Variants in MPP4 observed in about 807,000 individuals in gnomAD.
MPP4 encodes MAGUK p55 scaffold protein 4.
In MPP4, 91 loss-of-function variants were observed where a neutral mutation model predicts 98.3. The observed-to-expected ratio is 0.93, with a 90% CI of 0.78 to 1.10. MPP4 has a LOEUF of 1.10. Among genes scored for constraint, MPP4 ranks in the 50% least tolerant of loss-of-function variants. The pLI, the probability that MPP4 is intolerant of heterozygous loss-of-function variation, is 0.00. For missense variants in MPP4, 744 were observed against 792.9 expected, an observed-to-expected ratio of 0.94 and a Z score of 0.74; for synonymous variants, 261 against 271.8, an observed-to-expected ratio of 0.96 and a Z score of 0.39.
chr2:201,650,895 A>G, intron 18 of MPP4: 1 of 985,392 alleles, frequency 1.0e-6, no homozygotes, highest in Non-Finnish European at 1.2e-6. Flanking sequence ...CTTCAACTTA[A>G]ATAGTGCCAG....
intron 18 of MPP4, 93 bp downstream of exon 18, chr2:201,654,744 T>C: frequency 1.2e-6 from 1 of 843,352 alleles, no homozygotes; most frequent in South Asian, 2.1e-5. Flanking sequence ...GTTGTATACT[T>C]TTACAACAAA....
In MPP4 at chr2:201,686,256, C is replaced by T. The variant is rs527478645; in HGVS notation, c.361-206G>A. Among the ~76,000 whole-genome samples, 2 of 152,270 alleles carry T rather than the reference C, an allele frequency of 1.3e-5. 1 individual carries two copies. Among genetic ancestry groups the T allele is most frequent in the South Asian group, 4.1e-4 (2 of 4,830 alleles). ...AGGTACATTAATTGTCCTCAATTTG[C>T]AGATAAGGAAATAAGGCACAGAGAG... On this transcript the variant is annotated intron_variant, in intron 5 of 21. Transcript: ENST00000409474.
intron 12 of MPP4, among the ~76,000 whole-genome samples, chr2:201,669,219 T>C (rs1252374662): frequency 6.6e-6 from 1 of 151,994 alleles, no homozygotes; most frequent in African/African-American, 2.4e-5. Flanking sequence ...ATTTGTTCCC[T>C]AATGCAGGGC....
At chr2:201,688,765 G>A (rs934904660) in intron 4 of MPP4, among the ~76,000 whole-genome samples, 2 of 151,828 alleles carry the variant, frequency 1.3e-5, no homozygotes, top group African/African-American at 2.4e-5. Flanking sequence ...GCACCACAAC[G>A]CCCAGCTAAT....
chr2:201,685,827 A>T, intron 6 of MPP4, 92 bp downstream of exon 6: 2 of 1,479,324 alleles, frequency 1.4e-6, no homozygotes, highest in Non-Finnish European at 1.9e-6. Flanking sequence ...GATCGCAGGC[A>T]AGGCTACTGC....
At chr2:201,654,017 C>A (rs1687787627) in intron 18 of MPP4, among the ~76,000 whole-genome samples, 1 of 151,870 alleles carries the variant, frequency 6.6e-6, no homozygotes, top group Admixed American at 6.6e-5. Context: ...CACTTTCTCG[C>A]CCAGACTGGA....
chr2:201,645,488 A>C (rs1687536969), intron 21 of MPP4, 84 bp from the exon 22 acceptor site: 3 of 1,161,678 alleles, frequency 2.6e-6, no homozygotes, highest in South Asian at 2.1e-5. Flanking sequence ...TGTCACATTC[A>C]GTTGTGAAAC....
intron 10 of MPP4, among the ~76,000 whole-genome samples, chr2:201,678,135 A>AT (rs1688565252): frequency 6.6e-6 from 1 of 152,162 alleles, no homozygotes; most frequent in South Asian, 2.1e-4. Context: ...TAAAAGCAGC[A>AT]TGAGAACTTC....
At chr2:201,669,171 G>T (rs1026708975) in intron 12 of MPP4, among the ~76,000 whole-genome samples, 1 of 151,248 alleles carries the variant, frequency 6.6e-6, no homozygotes, top group African/African-American at 2.4e-5. Flanking sequence ...CAGATGGTTG[G>T]GCATGGAGAA....
At position 201,666,473 on chromosome 2, in the gene MPP4, C is replaced by T; in HGVS notation, c.1013-101G>A. ...TGGTGGCTCATGCCTGTGATCCCAG[C>T]ACTCTGGGAGGCCGAGGCGGGCGGA... On this transcript the variant is annotated intron_variant, in intron 12 of 21. Coordinates refer to ENST00000409474, the MANE Select transcript of MPP4 (RefSeq NM_033066.3). 4.4e-6 allele frequency: 4 copies of T among 904,620 alleles called. No homozygotes were observed. The East Asian group carries it at 9.0e-5, about 20-fold the overall frequency. 56.0% of individuals were successfully genotyped at this position (904,620 alleles called of 1,614,324 possible). A position where few individuals can be genotyped will look rare whatever the true frequency, so the allele number is the denominator to read the frequency against.
chr2:201,674,666 A>G (rs1688450128), intron 11 of MPP4, among the ~76,000 whole-genome samples: 1 of 152,210 alleles, frequency 6.6e-6, no homozygotes, highest in Non-Finnish European at 1.5e-5. Context: ...TTAAATGATA[A>G]CAGTCCTTCC....
At chr2:201,689,575 A>G (rs1031037506) in intron 4 of MPP4, among the ~76,000 whole-genome samples, 1 of 152,058 alleles carries the variant, frequency 6.6e-6, no homozygotes, top group Non-Finnish European at 1.5e-5. Context: ...GATCCTGGAT[A>G]TATTTTGGTG....
chr2:201,662,769 G>T lies in MPP4; in HGVS notation c.1072+1312C>A, dbSNP rs544604375. Among the ~76,000 whole-genome samples the T allele has an allele frequency of 2.0e-5, 3 of 152,058 alleles. No individual in the cohort carries two copies. In the South Asian group the frequency reaches 6.2e-4, roughly 31 times the overall value. ...ATGTGATAAGAGAAAGAAGAAAATT[G>T]CCTTAATTGGGGTAAAGATAATATG... is the stretch of plus-strand genomic sequence containing the variant. On this transcript the variant is annotated intron_variant, in intron 14 of 21. Transcript: ENST00000409474.
At chr2:201,650,737 G>A (rs1687691809) in intron 18 of MPP4, 1 of 985,222 alleles carries the variant, frequency 1.0e-6, no homozygotes, top group Non-Finnish European at 1.2e-6. Context: ...AATTTGAAAT[G>A]GAGAAAGCCC....
At chr2:201,661,432 G>A (rs935762077) in intron 14 of MPP4, 1 of 456,374 alleles carries the variant, frequency 2.2e-6, no homozygotes, top group Non-Finnish European at 4.4e-6. Context: ...ATGCCAGCTG[G>A]GTGCTAACTG....
chr2:201,662,500 CAA>C (rs57262157), intron 14 of MPP4, among the ~76,000 whole-genome samples: 157 of 75,280 alleles, frequency 2.1e-3, no homozygotes, highest in African/African-American at 8.2e-3. Context: ...GACTCTGTCT[CAA>C]AAAAAAAAAA....
chr2:201,657,766 T>C (rs1415967053), intron 16 of MPP4, among the ~76,000 whole-genome samples: 1 of 151,940 alleles, frequency 6.6e-6, no homozygotes, highest in Non-Finnish European at 1.5e-5. Context: ...TGATGGCAGC[T>C]GCCCTCTTGA....
chr2:201,686,270 A>G (rs1688830057), intron 5 of MPP4, among the ~76,000 whole-genome samples: 1 of 152,218 alleles, frequency 6.6e-6, no homozygotes, highest in Non-Finnish European at 1.5e-5. Flanking sequence ...TAAGGAAATA[A>G]GGCACAGAGA....
chr2:201,654,856 A>C lies in MPP4; in HGVS notation c.1362T>G (p.His454Gln). 1 of 1,604,234 alleles carries C rather than the reference A, an allele frequency of 6.2e-7. No homozygotes were observed. The highest frequency in any genetic ancestry group is 1.1e-5 in the South Asian group (1 of 88,504). Residue 454 changes from histidine to glutamine, a missense_variant, in exon 18 of 22, where the codon CAT becomes CAG. By Grantham distance (24) the His-to-Gln change is conservative. Transcript: ENST00000409474. ...ACATACGTGGCACAGCACTTTGAAA[A>C]TGGCTGGGATTAAATTCAATAAGTT... ...RRQLIEFNPS[H>Q]FQSAVPHTTR...
Sources: allele counts gnomAD v4.1 joint callset (sites outside exome capture counted in the v4.1 genomes callset), GRCh38; gene constraint gnomAD v4.1.1; transcripts MANE v1.5; gene names NCBI Gene and HGNC (gene_info 2026-07-23, HGNC 2026-07-21).